Variants in AOPEP observed in about 807,000 individuals in gnomAD.
AOPEP encodes aminopeptidase O.
In AOPEP, 77 loss-of-function variants were observed where a neutral mutation model predicts 98.1. The ratio of observed to expected loss-of-function variants is 0.78; its 90% CI spans 0.65 to 0.95. The LOEUF (loss-of-function observed/expected upper bound fraction) is 0.95. Among genes scored for constraint, AOPEP ranks in the 40% least tolerant of loss-of-function variants. The probability of loss-of-function intolerance (pLI) is 0.00; values close to 1 mark genes in which losing one functional copy is unlikely to be tolerated. For missense variants in AOPEP, 1,024 were observed against 1,024.7 expected (o/e 1.00, Z 0.01); for synonymous variants, 346 against 365.3 (o/e 0.95, Z 0.60).
chr9:94,831,695 G>A (rs949385589), intron 5 of AOPEP, among the ~76,000 whole-genome samples: 1 of 152,164 alleles, frequency 6.6e-6, no homozygotes, highest in East Asian at 2.0e-4. Flanking sequence ...ATCATGGAAT[G>A]TTTTTCCATT....
At chr9:95,048,244 A>G (rs1373008141) in intron 13 of AOPEP, among the ~76,000 whole-genome samples, 2 of 152,098 alleles carry the variant, frequency 1.3e-5, no homozygotes, top group Non-Finnish European at 1.5e-5. Context: ...TAAATACCAT[A>G]TGCAAAGAGA....
At position 94,743,167 on chromosome 9, in the gene AOPEP, A is replaced by AAAG. The variant is rs138111726; in HGVS notation, c.-136+16448_-135-16448dup. Among the ~76,000 whole-genome samples, 854 of 142,832 alleles carry AAAG rather than the reference A, an allele frequency of 6.0e-3. 8 individuals are homozygous for AAAG. The highest frequency in any genetic ancestry group is 0.024 in the East Asian group (118 of 4,856). The allele number at this position is 142,832 out of a possible 152,430, so 93.7% of individuals were successfully genotyped here. ...AAACTTGCTTTCACTTTGCAATATA[A>AAAG]AAGAAGAAGAAGAAGAAGAAGAAGA... On this transcript the variant is annotated intron_variant, in intron 1 of 16. Transcript: ENST00000375315.
intron 11 of AOPEP, among the ~76,000 whole-genome samples, chr9:94,989,335 C>T (rs1387982339): frequency 6.6e-6 from 1 of 152,080 alleles, no homozygotes; most frequent in Non-Finnish European, 1.5e-5. Flanking sequence ...ATCTCCTGAC[C>T]TCGAGATCCG....
At chr9:94,886,908 T>C (rs1422507357) in intron 5 of AOPEP, among the ~76,000 whole-genome samples, 2 of 152,210 alleles carry the variant, frequency 1.3e-5, no homozygotes, top group African/African-American at 4.8e-5. Context: ...TTTGTATATA[T>C]AAATCTGTTG....
rs2055134204 is a variant in AOPEP at position 94,930,632 on chromosome 9, C to T, written c.1661+2101C>T. 6.6e-6 allele frequency among the ~76,000 whole-genome samples: 1 copy of T among 151,790 alleles called. No homozygotes were observed. The highest frequency in any genetic ancestry group is 2.1e-4 in the South Asian group (1 of 4,796). The stretch of plus-strand genomic sequence containing the variant: ...TGTTTCCCCAGAGAAAACCAGGGCA[C>T]TAGGGGCCATGGAAGCCAGAAAAGA... On this transcript the variant is annotated intron_variant, in intron 7 of 16. Coordinates refer to ENST00000375315, the MANE Select transcript of AOPEP (RefSeq NM_001193329.3). The surrounding 1 kb of genome is among the most constrained non-coding windows in gnomAD (Gnocchi z 4.5).
At chr9:94,852,414 G>A (rs1037604067) in intron 5 of AOPEP, among the ~76,000 whole-genome samples, 2 of 152,212 alleles carry the variant, frequency 1.3e-5, no homozygotes, top group African/African-American at 2.4e-5. Flanking sequence ...GGAGAGGTTT[G>A]CATAGACCAG....
chr9:95,137,500 T>C, the AOPEP span, among the ~76,000 whole-genome samples: 2 of 152,066 alleles, frequency 1.3e-5, no homozygotes, highest in African/African-American at 4.8e-5. Context: ...CTCCCACACC[T>C]GGCAAAGCCC....
chr9:95,051,052 T>C (rs1411546290), intron 13 of AOPEP, among the ~76,000 whole-genome samples: 1 of 152,096 alleles, frequency 6.6e-6, no homozygotes, highest in African/African-American at 2.4e-5. Flanking sequence ...ACTTAGCAAC[T>C]ATTATGTTGT....
At chr9:94,928,648 C>T in intron 7 of AOPEP, 117 bp downstream of exon 7, 1 of 682,288 alleles carries the variant, frequency 1.5e-6, no homozygotes, top group Middle Eastern at 2.4e-4. Flanking sequence ...TTGGGGTGGG[C>T]TTCTTGTCCC....
At chr9:94,828,447 A>G (rs1207532816) in intron 5 of AOPEP, among the ~76,000 whole-genome samples, 2 of 152,134 alleles carry the variant, frequency 1.3e-5, no homozygotes, top group East Asian at 3.8e-4. Context: ...CTTATCCCAG[A>G]TTTTTATTAT....
At chr9:94,738,566 A>C (rs1832303015) in intron 1 of AOPEP, among the ~76,000 whole-genome samples, 1 of 152,084 alleles carries the variant, frequency 6.6e-6, no homozygotes, top group African/African-American at 2.4e-5. Flanking sequence ...ACACGAGAAA[A>C]AAAATTATTA....
At chr9:95,139,851 T>A in the AOPEP span, among the ~76,000 whole-genome samples, 109 of 146,476 alleles carry the variant, frequency 7.4e-4, no homozygotes, top group African/African-American at 1.9e-3. Context: ...TATATATATA[T>A]AAATATATAT....
rs575864523 is a variant in AOPEP, at chr9:94,929,578, C to T, written c.1661+1047C>T. 1.2e-4 allele frequency among the ~76,000 whole-genome samples: 19 copies of T among 152,390 alleles called. No homozygotes were observed. In the East Asian group the frequency reaches 2.9e-3, roughly 23 times the overall value. On this transcript the variant is annotated intron_variant, in intron 7 of 16. Coordinates refer to ENST00000375315, the MANE Select transcript of AOPEP (RefSeq NM_001193329.3). ...CCATTGTTTCGGAAAGGAGATCTAG[C>T]GGAGGGAAGTGGAGCGGGCCAGGAG...
the AOPEP span, among the ~76,000 whole-genome samples, chr9:95,102,942 G>A: frequency 2.0e-5 from 3 of 152,314 alleles, no homozygotes; most frequent in South Asian, 4.1e-4. Flanking sequence ...CAGCCAGCAC[G>A]GGGGCTCCGG....
intron 11 of AOPEP, among the ~76,000 whole-genome samples, chr9:95,003,443 TC>T (rs2061697409): frequency 6.6e-6 from 1 of 152,190 alleles, no homozygotes; most frequent in Non-Finnish European, 1.5e-5. Context: ...GATCGTGAAC[TC>T]CCAAGGAAAA....
At chr9:94,963,344 A>G (rs2058981345) in intron 9 of AOPEP, among the ~76,000 whole-genome samples, 1 of 152,190 alleles carries the variant, frequency 6.6e-6, no homozygotes, top group Non-Finnish European at 1.5e-5. Context: ...TAGTTACCAA[A>G]TTAGCCATGT....
intron 5 of AOPEP, among the ~76,000 whole-genome samples, chr9:94,857,692 G>A (rs1386938228): frequency 3.9e-5 from 6 of 152,134 alleles, no homozygotes; most frequent in Non-Finnish European, 7.4e-5. Flanking sequence ...AGTATATGAT[G>A]CAGAACAAGG....
intron 16 of AOPEP, chr9:95,085,329 G>A (rs370281639): frequency 2.2e-4 from 107 of 482,704 alleles, no homozygotes; most frequent in African/African-American, 1.9e-3. Context: ...CCGTGGTCGC[G>A]CTCACTGCAG....
intron 13 of AOPEP, among the ~76,000 whole-genome samples, chr9:95,012,050 A>C (rs962499048): frequency 6.6e-6 from 1 of 152,252 alleles, no homozygotes; most frequent in African/African-American, 2.4e-5. Context: ...GTATCAGATC[A>C]TGTAAATGTA....
Sources: allele counts gnomAD v4.1 joint callset (sites outside exome capture counted in the v4.1 genomes callset), GRCh38; gene constraint gnomAD v4.1.1; non-coding constraint Gnocchi (gnomAD v3.1); transcripts MANE v1.5; gene names NCBI Gene and HGNC (gene_info 2026-07-23, HGNC 2026-07-21).